The following ZNF394 variants were observed in gnomAD, a reference collection of about 807,000 sequenced individuals.
ZNF394 encodes the protein zinc finger protein 99.
In ZNF394, 19 loss-of-function variants were observed where a neutral mutation model predicts 21.8. The observed-to-expected ratio is 0.87, with a 90% confidence interval of 0.61 to 1.28. The LOEUF is 1.28. ZNF394 is among the 50% of genes most tolerant of loss of function. ZNF394 has a pLI of 0.00. For missense variants in ZNF394, 683 were observed against 708.6 expected (o/e 0.96, Z 0.41); for synonymous variants, 294 against 273.3 (o/e 1.08, Z -0.75).
At chr7:99,490,453 C>T (rs945282432), downstream of ZNF394, among the ~76,000 whole-genome samples, 6 of 151,946 alleles carry the variant, frequency 3.9e-5, no homozygotes, top group African/African-American at 1.5e-4. Context: ...CTGTGCCCAG[C>T]CTCTCTCATA....
rs1324890794 is a variant in ZNF394 at position 99,493,429 on chromosome 7, G to C, written c.*100C>G. The C allele has an allele frequency of 1.0e-5, 12 of 1,173,558 alleles. No homozygotes were observed. Among genetic ancestry groups the C allele is most frequent in the Non-Finnish European group, 1.4e-5 (12 of 844,364 alleles). The allele number at this position is 1,173,558 out of a possible 1,614,324, so 72.7% of individuals were successfully genotyped here. A position where few individuals can be genotyped will look rare whatever the true frequency, so the allele number is the denominator to read the frequency against. On this transcript the variant is annotated 3_prime_UTR_variant, in exon 3 of 3. Coordinates refer to ENST00000337673, the MANE Select transcript of ZNF394 (RefSeq NM_032164.4). ...GCACCACCATGCCCGGCTCATTTTT[G>C]TATTTTTAGTAGAGACAGGATTTTA...
chr7:99,486,601 A>G (rs1361606311), exon 2 of ZNF394: 31 of 1,614,234 alleles, frequency 1.9e-5, no homozygotes, highest in Non-Finnish European at 2.6e-5. Context: ...AAAGTTACAT[A>G]AGTGTAAAGA....
downstream of ZNF394, among the ~76,000 whole-genome samples, chr7:99,492,250 AC>A (rs1029687272): frequency 1.3e-5 from 2 of 152,082 alleles, no homozygotes; most frequent in African/African-American, 4.8e-5. Context: ...AGTAGTTGAA[AC>A]CCTCTCTACA....
chr7:99,497,114 G>GTATATATATATATATATA (rs1347859430), intron 2 of ZNF394, among the ~76,000 whole-genome samples: 1 of 116,668 alleles, frequency 8.6e-6, no homozygotes, highest in Admixed American at 8.5e-5. Context: ...GTGTGTGTGT[G>GTATATATATATATATATA]TGTGTGTGTA....
chr7:99,494,403 T>C lies in ZNF394; in HGVS notation c.812A>G (p.Asn271Ser), dbSNP rs1800238075. ...AEGLNSISDV[N>S]KNGSIEGEDS... ...TTCCCCTTCTATGGAACCATTCTTA[T>C]TGACATCTGAGATGCTGTTGAGTCC... The change falls in exon 3 of 3, where the codon AAT becomes AGT. Residue 271 changes from asparagine (N) to serine (S), a missense_variant. Around this residue, in one of 3 missense-constraint regions of ZNF394, gnomAD observed 402 missense variants for 373.8 expected, o/e 1.08. Coordinates refer to ENST00000337673, the MANE Select transcript of ZNF394 (RefSeq NM_032164.4). 2 of 1,614,198 alleles carry C rather than the reference T, an allele frequency of 1.2e-6. No homozygotes were observed. The highest frequency in any genetic ancestry group is 8.5e-7 in the Non-Finnish European group (1 of 1,180,044).
Position 99,494,532 on chromosome 7 carries a change from T to C in ZNF394, c.683A>G (p.Lys228Arg), listed in dbSNP as rs1486572430. The C allele has an allele frequency of 6.2e-7, 1 of 1,613,524 alleles. No homozygotes were observed. Among genetic ancestry groups the C allele is most frequent in the East Asian group, 2.2e-5 (1 of 44,890 alleles). ...QGQLQEAFQG[K>R]RPLFSKCGST... ...GCCACACTTAGAAAACAGGGGGCGCTTCCCCTGGAACGCTTCTTGTAGTTG... is the reference window on the plus strand; with the variant it reads ...GCCACACTTAGAAAACAGGGGGCGCCTCCCCTGGAACGCTTCTTGTAGTTG... The change falls in exon 3 of 3, where the codon AAG becomes AGG. Residue 228 changes from lysine to arginine, a missense_variant. Lys to Arg is a conservative substitution (Grantham distance 26, BLOSUM62 2). Around this residue, in one of 3 missense-constraint regions of ZNF394, gnomAD observed 402 missense variants for 373.8 expected, o/e 1.08. Coordinates refer to ENST00000337673, the MANE Select transcript of ZNF394 (RefSeq NM_032164.4).
chr7:99,498,061 A>G (rs1800393864), intron 2 of ZNF394: 1 of 152,210 alleles, frequency 6.6e-6, no homozygotes, highest in African/African-American at 2.4e-5. Context: ...CATAGAAACA[A>G]ATATACAAAG....
chr7:99,499,620 A>G lies in ZNF394; in HGVS notation c.456+18T>C, dbSNP rs1183630782. ...TTTTCCACACTCCCACCTCCAGAAC[A>G]GGCCTTTCGCTTCTCACCTGGGATG... On this transcript the variant is annotated intron_variant, in intron 1 of 2. Coordinates refer to ENST00000337673, the MANE Select transcript of ZNF394 (RefSeq NM_032164.4). The G allele has an allele frequency of 6.4e-7, 1 of 1,557,530 alleles. No homozygotes were observed. The highest frequency in any genetic ancestry group is 1.2e-5 in the South Asian group (1 of 83,722).
chr7:99,490,254 A>C (rs1232547872), downstream of ZNF394, among the ~76,000 whole-genome samples: 1 of 146,472 alleles, frequency 6.8e-6, no homozygotes, highest in African/African-American at 2.5e-5. Context: ...TCCTGGGTTC[A>C]AGCGATTCTC....
rs933642901 is a variant in ZNF394 at position 99,494,191 on chromosome 7, G to A, written c.1024C>T (p.His342Tyr). The A allele has an allele frequency of 3.1e-6, 5 of 1,614,240 alleles. No homozygotes were observed. The highest frequency in any genetic ancestry group is 4.2e-6 in the Non-Finnish European group (5 of 1,180,050). ...CTCTGGGTCTCAAAAAGGCTGGAATGATGGAAACTGTCTCCACTGTCAGAC... is the reference window on the plus strand; with the variant it reads ...CTCTGGGTCTCAAAAAGGCTGGAATAATGGAAACTGTCTCCACTGTCAGAC... ...HKSDSGDSFH[H>Y]SSLFETQRQL... Residue 342 changes from histidine (H) to tyrosine (Y), a missense_variant, in exon 3 of 3, where the codon CAT becomes TAT. Coordinates refer to ENST00000337673, the MANE Select transcript of ZNF394 (RefSeq NM_032164.4).
chr7:99,490,640 T>A (rs1163105615), downstream of ZNF394, among the ~76,000 whole-genome samples: 816 of 147,356 alleles, frequency 5.5e-3, 6 homozygotes, highest in African/African-American at 0.018. Context: ...TTTTTTTTTT[T>A]TAAAAAAAAA....
downstream of ZNF394, among the ~76,000 whole-genome samples, chr7:99,490,818 AAC>A (rs1295686297): frequency 1.3e-5 from 2 of 151,986 alleles, no homozygotes; most frequent in African/African-American, 2.4e-5. Flanking sequence ...ATAGAAAATG[AAC>A]AGTCACATCC....
At chr7:99,495,242 C>T (rs915978013) in intron 2 of ZNF394, among the ~76,000 whole-genome samples, 4 of 152,080 alleles carry the variant, frequency 2.6e-5, no homozygotes, top group African/African-American at 7.2e-5. Context: ...CTCCTGACCT[C>T]GTGATCCGCC....
At chr7:99,487,070 G>A (rs1309833340) in intron 1 of ZNF394, 1 of 1,613,940 alleles carries the variant, frequency 6.2e-7, no homozygotes, top group African/African-American at 1.3e-5. Context: ...CCTTATAAAT[G>A]TAGCAAATGT....
rs1386771220 is a variant in ZNF394, at chr7:99,493,598, G to A, written c.1617C>T (p.His539=). The change falls in exon 3 of 3, where the codon CAC becomes CAT. Residue 539 remains histidine, a synonymous_variant. Coordinates refer to ENST00000337673, the MANE Select transcript of ZNF394 (RefSeq NM_032164.4). The part of the protein sequence containing the change: ...ECGERFRQST[H]LIRHQRIHQN... ...GATGAATTCTTTGGTGTCGGATAAG[G>A]TGTGTACTTTGTCTAAATCTTTCCC... 6 of 1,614,058 alleles carry A rather than the reference G, an allele frequency of 3.7e-6. No individual in the cohort carries two copies. Among genetic ancestry groups the A allele is most frequent in the Non-Finnish European group, 5.1e-6 (6 of 1,180,038 alleles).
downstream of ZNF394, among the ~76,000 whole-genome samples, chr7:99,490,453 CCT>C (rs977973177): frequency 6.6e-6 from 1 of 151,946 alleles, no homozygotes; most frequent in African/African-American, 2.4e-5. Context: ...CTGTGCCCAG[CCT>C]CTCTCATACT....
downstream of ZNF394, among the ~76,000 whole-genome samples, chr7:99,491,034 A>G (rs1389915700): frequency 6.6e-6 from 1 of 151,892 alleles, no homozygotes; most frequent in Non-Finnish European, 1.5e-5. Context: ...TCCTGATGAT[A>G]TTCCTTCAAG....
downstream of ZNF394, among the ~76,000 whole-genome samples, chr7:99,489,112 A>G (rs567082830): frequency 6.6e-6 from 1 of 151,512 alleles, no homozygotes; most frequent in South Asian, 2.1e-4. Flanking sequence ...GTGAAACCCC[A>G]TCTCTACTAA....
rs185170168 is a variant in ZNF394 at position 99,487,495 on chromosome 7, T to C, written n.84-532A>G. The stretch of plus-strand genomic sequence containing the variant: ...AGGACAGATATCCACATGATGTTAA[T>C]TGGAAAGCAGTCATTGGAGAACTAG... On this transcript the variant is annotated intron_variant and non_coding_transcript_variant, in intron 1 of 1. Coordinates refer to the ZNF394 transcript ENST00000462024. The C allele has an allele frequency of 4.6e-5, 74 of 1,602,830 alleles. 1 individual carries two copies. In the East Asian group the frequency reaches 8.5e-4, roughly 18 times the overall value.
Sources: allele counts gnomAD v4.1 joint callset (sites outside exome capture counted in the v4.1 genomes callset), GRCh38; gene constraint gnomAD v4.1.1; regional missense constraint gnomAD v4.1.1; transcripts MANE v1.5; gene names NCBI Gene and HGNC (gene_info 2026-07-23, HGNC 2026-07-21).